TRPV6: variants seen among roughly 807,000 people sequenced by gnomAD.
The protein encoded by TRPV6 is Alu-binding protein with zinc finger domain.
Under a neutral mutation model 79.0 loss-of-function variants are expected in TRPV6, and 39 were observed. That is an observed-to-expected ratio of 0.49 (90% CI 0.38 to 0.64). The LOEUF is 0.64. Among genes scored for constraint, TRPV6 ranks in the 30% least tolerant of loss-of-function variants. The pLI is 0.00. For synonymous variants in TRPV6, 373 were observed against 391.9 expected (o/e 0.95, Z 0.57); for missense variants, 813 against 1,011.1 (o/e 0.80, Z 2.66).
At position 142,871,702 on chromosome 7, in the gene TRPV6, C is replaced by G. The variant is rs111489157; in HGVS notation, c.*5G>C. On this transcript the variant is annotated 3_prime_UTR_variant, in exon 15 of 15. Transcript: ENST00000359396. Reference sequence around the variant, plus strand: ...AGTTCCAGGAAGCGAAGTGAGAACACGCAGTCAGATCTGATATTCCCAGCT... The same window carrying G: ...AGTTCCAGGAAGCGAAGTGAGAACAGGCAGTCAGATCTGATATTCCCAGCT... The G allele has an allele frequency of 1.3e-6, 2 of 1,576,256 alleles. No homozygotes were observed. The highest frequency in any genetic ancestry group is 1.7e-4 in the Middle Eastern group (1 of 5,878).
intron 4 of TRPV6, 55 bp downstream of exon 4, chr7:142,877,087 C>T: frequency 6.4e-7 from 1 of 1,569,280 alleles, no homozygotes; most frequent in South Asian, 1.2e-5. Flanking sequence ...CTGGCCCTGC[C>T]CTGCCTTGCC....
intron 1 of TRPV6, chr7:142,881,911 T>C (rs1267687051): frequency 6.6e-6 from 1 of 152,202 alleles, no homozygotes; most frequent in African/African-American, 2.4e-5. Context: ...CAAGGCAGGA[T>C]CACAAGACTC....
Position 142,874,974 on chromosome 7 carries a change from C to A in TRPV6, c.1336G>T (p.Asp446Tyr), listed in dbSNP as rs370782688. 2 of 1,613,992 alleles carry A rather than the reference C, an allele frequency of 1.2e-6. No individual in the cohort carries two copies. Among genetic ancestry groups the A allele is most frequent in the African/African-American group, 1.3e-5 (1 of 74,902 alleles). The change falls in exon 10 of 15, where the codon GAC becomes TAC. Residue 446 changes from aspartate to tyrosine, a missense_variant. By Grantham distance (160) the Asp-to-Tyr change is radical. Around this residue, in one of 3 missense-constraint regions of TRPV6, gnomAD observed 555 missense variants for 631.0 expected, o/e 0.88. Transcript: ENST00000359396. ...CGAGTGACCCCCATTCTGAAGATGT[C>A]TGGAACCTGAAGAGGTCAGGGAGAC...
Position 142,876,459 on chromosome 7 carries a change from A to T in TRPV6, c.831T>A (p.Asn277Lys). 2.5e-6 allele frequency: 4 copies of T among 1,614,154 alleles called. No homozygotes were observed. Reference sequence around the variant, plus strand: ...GCTTGAAAGGGGTGAGACCCTGGTGATTGGGCACGAGGTCCAGGGGCTGCA... The same window carrying T: ...GCTTGAAAGGGGTGAGACCCTGGTGTTTGGGCACGAGGTCCAGGGGCTGCA... The change falls in exon 6 of 15, where the codon AAT becomes AAA. Residue 277 changes from asparagine to lysine, a missense_variant. Coordinates refer to ENST00000359396, the MANE Select transcript of TRPV6 (RefSeq NM_018646.6).
At chr7:142,883,993 C>G (rs1192115983) in intron 1 of TRPV6, 1 of 152,510 alleles carries the variant, frequency 6.6e-6, no homozygotes, top group Non-Finnish European at 1.5e-5. Context: ...AGGGCCTCCC[C>G]TCTGCTCTCC....
Position 142,872,008 on chromosome 7 carries a change from C to A in TRPV6, c.2016-19G>T. ...TTCCACCCTGTGGAATGCGGGAGGA[C>A]TTGAGACACAGCCAGGACTTGAAGA... On this transcript the variant is annotated intron_variant, in intron 14 of 14. Coordinates refer to ENST00000359396, the MANE Select transcript of TRPV6 (RefSeq NM_018646.6). 1 of 1,562,786 alleles carries A rather than the reference C, an allele frequency of 6.4e-7. No homozygotes were observed. The highest frequency in any genetic ancestry group is 1.2e-5 in the South Asian group (1 of 82,450).
Position 142,885,722 on chromosome 7 carries a change from C to G in TRPV6, c.-86G>C, listed in dbSNP as rs1429769101. 1.3e-5 allele frequency: 8 copies of G among 611,494 alleles called. No individual in the cohort carries two copies. In the East Asian group the frequency reaches 2.1e-4, roughly 16 times the overall value. 37.9% of individuals were successfully genotyped at this position (611,494 alleles called of 1,614,324 possible). The stretch of plus-strand genomic sequence containing the variant: ...TGGAGAGGGCTGTGAGTTTGTTACA[C>G]TTGGCAGAGCCAGCCAGGACTCTGC... On this transcript the variant is annotated 5_prime_UTR_variant, in exon 1 of 15. Transcript: ENST00000359396.
At chr7:142,877,035 AG>A in intron 4 of TRPV6, 106 bp downstream of exon 4, 1 of 1,482,718 alleles carries the variant, frequency 6.7e-7, no homozygotes, top group Non-Finnish European at 9.0e-7. Context: ...TGCTCCTCCC[AG>A]CTGCCCAACA....
rs766078262 is a variant in TRPV6, at chr7:142,875,905, C to T, written c.883-1G>A. 1 of 1,573,558 alleles carries T rather than the reference C, an allele frequency of 6.4e-7. No individual in the cohort carries two copies. Among genetic ancestry groups the T allele is most frequent in the Non-Finnish European group, 8.6e-7 (1 of 1,160,536 alleles). On this transcript the variant is annotated splice_acceptor_variant, in intron 6 of 14. Transcript: ENST00000359396. LOFTEE classifies it high-confidence loss of function. ...GCTTCTGCATCAGGTGCTGAAACAT[C>T]TAAGGGAAAGTGAAGATGACTCAGG...
Position 142,876,389 on chromosome 7 carries a change from G to A in TRPV6, c.882+19C>T, listed in dbSNP as rs1314036829. On this transcript the variant is annotated intron_variant, in intron 6 of 14. Coordinates refer to ENST00000359396, the MANE Select transcript of TRPV6 (RefSeq NM_018646.6). ...AGGGTCATTAGAAAGACACCTCAGG[G>A]ATGGGGACCGTCTCTCACCACAGTG... 6.2e-7 allele frequency: 1 copy of A among 1,609,828 alleles called. No individual in the cohort carries two copies. Among genetic ancestry groups the A allele is most frequent in the Non-Finnish European group, 8.5e-7 (1 of 1,177,860 alleles).
chr7:142,882,942 G>A (rs1795223108), intron 1 of TRPV6: 2 of 152,060 alleles, frequency 1.3e-5, no homozygotes, highest in African/African-American at 4.8e-5. Context: ...AGCTGCCCAG[G>A]ACACCCCACA....
chr7:142,878,650 C>T (rs1292033070), intron 1 of TRPV6: 2 of 152,822 alleles, frequency 1.3e-5, no homozygotes, highest in Non-Finnish European at 2.9e-5. Context: ...AAGAACAAGC[C>T]TGGCTCCAGG....
rs1563355879 is a variant in TRPV6 at position 142,876,818 on chromosome 7, A to G, written c.627T>C (p.Phe209=). The stretch of plus-strand genomic sequence containing the variant: ...TCTCCTCACTGTTCACACAGGCAGC[A>G]AAGGACAAAGGGTGCTCCCCTGTGG... Residue 209 remains phenylalanine (F), a synonymous_variant, in exon 5 of 15, where the codon TTT becomes TTC. Coordinates refer to ENST00000359396, the MANE Select transcript of TRPV6 (RefSeq NM_018646.6). 2 of 1,613,994 alleles carry G rather than the reference A, an allele frequency of 1.2e-6. No homozygotes were observed. Among genetic ancestry groups the G allele is most frequent in the African/African-American group, 1.3e-5 (1 of 74,898 alleles).
chr7:142,871,584 A>C lies in TRPV6; in HGVS notation c.*123T>G. ...TCTCAACGTACATTCCTTGGCGTTCATGCTACTCCTCTTTCTCCCCTGGGG... is the reference window on the plus strand; with the variant it reads ...TCTCAACGTACATTCCTTGGCGTTCCTGCTACTCCTCTTTCTCCCCTGGGG... On this transcript the variant is annotated 3_prime_UTR_variant, in exon 15 of 15. Transcript: ENST00000359396. 8.3e-7 allele frequency: 1 copy of C among 1,200,010 alleles called. No homozygotes were observed. The highest frequency in any genetic ancestry group is 1.2e-6 in the Non-Finnish European group (1 of 856,020). 74.3% of individuals were successfully genotyped at this position (1,200,010 alleles called of 1,614,324 possible). A position where few individuals can be genotyped will look rare whatever the true frequency, so the allele number is the denominator to read the frequency against.
At chr7:142,878,275 G>A (rs948533261) in intron 1 of TRPV6, 26 of 557,766 alleles carry the variant, frequency 4.7e-5, no homozygotes, top group Middle Eastern at 4.8e-4. Context: ...CCCCCCTACC[G>A]GGTCCTGGGA....
chr7:142,876,252 G>T, intron 6 of TRPV6, 156 bp downstream of exon 6: 1 of 1,126,592 alleles, frequency 8.9e-7, no homozygotes, highest in Non-Finnish European at 1.2e-6. Flanking sequence ...GGCAAGAAAG[G>T]GAACAGGTAA....
chr7:142,872,326 G>A, intron 14 of TRPV6, 46 bp downstream of exon 14: 1 of 1,596,088 alleles, frequency 6.3e-7, no homozygotes, highest in East Asian at 2.2e-5. Context: ...GGGATACCCT[G>A]CCGATGAGGC....
chr7:142,885,169 A>T, intron 1 of TRPV6: 1 of 431,098 alleles, frequency 2.3e-6, no homozygotes, highest in Non-Finnish European at 4.1e-6. Context: ...ATTAGATCTT[A>T]AGATAGTGAA....
In TRPV6 at chr7:142,875,116, C is replaced by T. The variant is rs754167671; in HGVS notation, c.1291G>A (p.Val431Met). Reference sequence around the variant, plus strand: ...ATGATGATAGCCCCAATGACAGTCACCAGCTCCCCGACCAGCCGGATATCG... The same window carrying T: ...ATGATGATAGCCCCAATGACAGTCATCAGCTCCCCGACCAGCCGGATATCG... The change falls in exon 9 of 15, where the codon GTG becomes ATG. Residue 431 changes from valine (V) to methionine (M), a missense_variant. Val to Met is a conservative substitution (Grantham distance 21, BLOSUM62 1). Coordinates refer to ENST00000359396, the MANE Select transcript of TRPV6 (RefSeq NM_018646.6). 26 of 1,614,170 alleles carry T rather than the reference C, an allele frequency of 1.6e-5. No homozygotes were observed. The highest frequency in any genetic ancestry group is 1.1e-4 in the South Asian group (10 of 91,078).
Sources: allele counts gnomAD v4.1 joint callset, GRCh38; gene constraint gnomAD v4.1.1; regional missense constraint gnomAD v4.1.1; transcripts MANE v1.5; gene names NCBI Gene and HGNC (gene_info 2026-07-23, HGNC 2026-07-21).